MYOM2: variants seen among roughly 807,000 people sequenced by gnomAD.
MYOM2 encodes myomesin 2.
MYOM2 carries 254 observed loss-of-function variants against 187.6 expected under a neutral mutation model. The observed-to-expected ratio is 1.35, with a 90% CI of 1.22 to 1.50. The LOEUF (loss-of-function observed/expected upper bound fraction) is 1.50. MYOM2 is among the 40% of genes most tolerant of loss of function. MYOM2 has a pLI of 0.00. For missense variants in MYOM2, 2,796 were observed against 1,924.0 expected, an observed-to-expected ratio of 1.45 and a Z score of -8.48; for synonymous variants, 981 against 753.8, an observed-to-expected ratio of 1.30 and a Z score of -4.94.
At chr8:2,064,133 C>T (rs527516588) in intron 6 of MYOM2, among the ~76,000 whole-genome samples, 20 of 152,206 alleles carry the variant, frequency 1.3e-4, no homozygotes, top group Non-Finnish European at 2.5e-4. Context: ...CGAGAGTGGC[C>T]GCCCTTCCTC....
chr8:2,062,411 GGAA>G (rs1338640364), intron 6 of MYOM2, among the ~76,000 whole-genome samples: 1 of 152,152 alleles, frequency 6.6e-6, no homozygotes, highest in African/African-American at 2.4e-5. Flanking sequence ...CAGGGGAGTG[GGAA>G]GAAGTGGGTG....
chr8:2,060,651 A>T (rs1413359667), intron 6 of MYOM2, among the ~76,000 whole-genome samples: 2 of 152,154 alleles, frequency 1.3e-5, no homozygotes, highest in Non-Finnish European at 2.9e-5. Context: ...TCCCAGAGGG[A>T]GCTCAGAGGA....
At chr8:2,108,346 A>G (rs1796961087) in intron 23 of MYOM2, among the ~76,000 whole-genome samples, 1 of 150,464 alleles carries the variant, frequency 6.6e-6, no homozygotes, top group Non-Finnish European at 1.5e-5. Flanking sequence ...CGGTGTGTAT[A>G]TCTTTCTTTA....
At position 2,123,136 on chromosome 8, in the gene MYOM2, A is replaced by G. The variant is rs75770861; in HGVS notation, c.3454-116A>G. On this transcript the variant is annotated intron_variant, in intron 28 of 36. Coordinates refer to ENST00000262113, the MANE Select transcript of MYOM2 (RefSeq NM_003970.4). The stretch of plus-strand genomic sequence containing the variant: ...TAAGCCTTCGTCTGAGACTGTCTAT[A>G]GTAAAAACTAAGGTTTTTTGAGGGG... 2.2e-3 allele frequency: 1,364 copies of G among 630,164 alleles called. 16 individuals are homozygous for G. The African/African-American group carries it at 0.023, about 11-fold the overall frequency. 39.0% of individuals were successfully genotyped at this position (630,164 alleles called of 1,614,324 possible). A position where few individuals can be genotyped will look rare whatever the true frequency, so the allele number is the denominator to read the frequency against.
chr8:2,092,214 C>A, intron 15 of MYOM2, 132 bp from the exon 16 acceptor site: 2 of 1,074,994 alleles, frequency 1.9e-6, no homozygotes, highest in Non-Finnish European at 2.7e-6. Context: ...TACTCCTGGA[C>A]CCCTTGTCTG....
Position 2,086,497 on chromosome 8 carries a change from C to CCACTGTCGTGATCTCTGCGTGGCCCCA in MYOM2, c.1644+1118_1644+1144dup, listed in dbSNP as rs1391501328. Among the ~76,000 whole-genome samples the CCACTGTCGTGATCTCTGCGTGGCCCCA allele has an allele frequency of 6.8e-3, 969 of 141,998 alleles. 51 individuals are homozygous for CCACTGTCGTGATCTCTGCGTGGCCCCA. Among genetic ancestry groups the CCACTGTCGTGATCTCTGCGTGGCCCCA allele is most frequent in the African/African-American group, 0.021 (778 of 37,948 alleles). The allele number at this position is 141,998 out of a possible 152,430, so 93.2% of individuals were successfully genotyped here. A position where few individuals can be genotyped will look rare whatever the true frequency, so the allele number is the denominator to read the frequency against. On this transcript the variant is annotated intron_variant, in intron 14 of 36. Transcript: ENST00000262113. ...ACTGTCATGATCTCTGTGTGGCCCC[C>CCACTGTCGTGATCTCTGCGTGGCCCCA]CACTGTCGTGATCTCTGCGTGGCCC...
At position 2,098,872 on chromosome 8, in the gene MYOM2, G is replaced by A. The variant is rs1447840090; in HGVS notation, c.2329G>A (p.Glu777Lys). The change falls in exon 19 of 37, where the codon GAA becomes AAA. Residue 777 changes from glutamate (E) to lysine (K), a missense_variant. Physicochemically the swap from Glu to Lys is moderately conservative, Grantham distance 56. Transcript: ENST00000262113. ...PTILTVDGLTEGSLYEFKIAA... is the reference protein window; with the variant it reads ...PTILTVDGLTKGSLYEFKIAA... ...ATCTGAATAGGTGGACGGCTTGACGGAAGGCTCACTCTACGAGTTCAAAAT... is the reference window on the plus strand; with the variant it reads ...ATCTGAATAGGTGGACGGCTTGACGAAAGGCTCACTCTACGAGTTCAAAAT... 5 of 1,612,666 alleles carry A rather than the reference G, an allele frequency of 3.1e-6. No homozygotes were observed. In the African/African-American group the frequency reaches 6.7e-5, roughly 22 times the overall value.
chr8:2,089,898 C>T (rs982175176), intron 14 of MYOM2, 110 bp from the exon 15 acceptor site: 14 of 946,236 alleles, frequency 1.5e-5, no homozygotes, highest in Non-Finnish European at 1.9e-5. Context: ...ACGCAGCGGG[C>T]GCGCCTGGTG....
chr8:2,128,017 T>C (rs894850270), intron 31 of MYOM2: 5 of 152,324 alleles, frequency 3.3e-5, no homozygotes, highest in African/African-American at 9.6e-5. Context: ...GTTGTTTTTT[T>C]CCCCCACATA....
At chr8:2,141,027 T>C in intron 33 of MYOM2, 114 bp from the exon 34 acceptor site, 1 of 1,331,416 alleles carries the variant, frequency 7.5e-7, no homozygotes, top group Non-Finnish European at 1.0e-6. Flanking sequence ...AATAAATTTA[T>C]TCTTTTTTTA....
At position 2,057,441 on chromosome 8, in the gene MYOM2, C is replaced by T. The variant is rs1470194191; in HGVS notation, c.357C>T (p.Arg119=). ...AHLEEDVHLA[R]SQARDKLDKY... ...TGGAGGAGGATGTCCACCTGGCACG[C>T]TCCCAGGCCCGCGACAAGCTGGACA... is the stretch of plus-strand genomic sequence containing the variant. The change falls in exon 4 of 37, where the codon CGC becomes CGT. Residue 119 remains arginine (R), a synonymous_variant. Coordinates refer to ENST00000262113, the MANE Select transcript of MYOM2 (RefSeq NM_003970.4). The T allele has an allele frequency of 6.2e-7, 1 of 1,613,938 alleles. No individual in the cohort carries two copies. The highest frequency in any genetic ancestry group is 8.5e-7 in the Non-Finnish European group (1 of 1,180,008).
intron 20 of MYOM2, chr8:2,102,373 A>G (rs191731650): frequency 2.2e-4 from 66 of 299,806 alleles, no homozygotes; most frequent in African/African-American, 1.3e-3. Context: ...TTAAATATAA[A>G]CACCAGATTA....
In MYOM2 at chr8:2,096,499, T is replaced by G. The variant is rs559786690; in HGVS notation, c.2313+65T>G. 2.1e-5 allele frequency: 31 copies of G among 1,501,550 alleles called. No individual in the cohort carries two copies. In the East Asian group the frequency reaches 6.2e-4, roughly 30 times the overall value. The allele number at this position is 1,501,550 out of a possible 1,614,324, so 93.0% of individuals were successfully genotyped here. A position where few individuals can be genotyped will look rare whatever the true frequency, so the allele number is the denominator to read the frequency against. The stretch of plus-strand genomic sequence containing the variant: ...TGGTTCTTTACATTTTTGGCAATGT[T>G]TCTGCGTTTGATGACATTAGATAGT... On this transcript the variant is annotated intron_variant, in intron 18 of 36. Coordinates refer to ENST00000262113, the MANE Select transcript of MYOM2 (RefSeq NM_003970.4).
chr8:2,066,293 C>G (rs772138892), intron 6 of MYOM2, among the ~76,000 whole-genome samples: 1 of 152,182 alleles, frequency 6.6e-6, no homozygotes. Context: ...CTGGCTTGTG[C>G]GTTCACAGGA....
intron 15 of MYOM2, among the ~76,000 whole-genome samples, chr8:2,091,572 T>G (rs913885266): frequency 6.6e-6 from 1 of 152,178 alleles, no homozygotes; most frequent in African/African-American, 2.4e-5. Flanking sequence ...ACCCTCTCTC[T>G]GTCGTGTTTC....
In MYOM2 at chr8:2,120,696, A is replaced by ATATATAT. The variant is rs1491564842; in HGVS notation, c.3454-2556_3454-2555insTATATAT. Among the ~76,000 whole-genome samples the ATATATAT allele has an allele frequency of 2.9e-4, 24 of 83,992 alleles. 1 individual carries two copies. The highest frequency in any genetic ancestry group is 1.0e-3 in the African/African-American group (21 of 20,882). The allele number at this position is 83,992 out of a possible 152,430, so 55.1% of individuals were successfully genotyped here. On this transcript the variant is annotated intron_variant, in intron 28 of 36. Transcript: ENST00000262113. Reference sequence around the variant, plus strand: ...TATATTATATTATATATAAATATATAATATATATATTTTAATTGCCAATCT... The same window carrying ATATATAT: ...TATATTATATTATATATAAATATATATATATATATATATATATTTTAATTGCCAATCT...
rs184905358 is a variant in MYOM2 at position 2,068,490 on chromosome 8, A to G, written c.654-788A>G. ...AGAGCATCCCGTGGGCAGCTCTTCA[A>G]TGCCCGTGTGCACCAGGCAGAGAGC... On this transcript the variant is annotated intron_variant, in intron 6 of 36. Transcript: ENST00000262113. 9.9e-4 allele frequency among the ~76,000 whole-genome samples: 149 copies of G among 150,380 alleles called. 2 individuals are homozygous for G. In the East Asian group the frequency reaches 0.016, roughly 17 times the overall value.
At chr8:2,096,541 A>G (rs2116756050) in intron 18 of MYOM2, 107 bp downstream of exon 18, 1 of 1,015,214 alleles carries the variant, frequency 9.9e-7, no homozygotes, top group Non-Finnish European at 1.4e-6. Context: ...CAGACACAAA[A>G]ATGGATTAAA....
intron 6 of MYOM2, among the ~76,000 whole-genome samples, chr8:2,068,669 G>C (rs951772029): frequency 6.6e-6 from 1 of 152,242 alleles, no homozygotes; most frequent in Non-Finnish European, 1.5e-5. Flanking sequence ...GTGGAGCAAA[G>C]CTCAAGCTCC....
Sources: gnomAD v4.1 joint callset for allele counts (sites outside exome capture counted in the v4.1 genomes callset) on GRCh38, gnomAD v4.1.1 for gene constraint, MANE v1.5 for transcripts, NCBI Gene and HGNC (gene_info 2026-07-23, HGNC 2026-07-21) for gene names.